The following ZNF474 variants were observed in gnomAD, a reference collection of about 807,000 sequenced individuals.
ZNF474 encodes 4933409D10Rik.
For synonymous variants in ZNF474, 192 were observed against 162.2 expected (o/e 1.18, Z -1.39); for missense variants, 511 against 433.8 (o/e 1.18, Z -1.58).
At chr5:122,130,628 G>A (rs1755553531) in intron 1 of ZNF474, among the ~76,000 whole-genome samples, 1 of 152,022 alleles carries the variant, frequency 6.6e-6, no homozygotes, top group Non-Finnish European at 1.5e-5. Context: ...TATAGCTAAA[G>A]CAGCTATAAA....
In ZNF474 at chr5:122,152,253, C is replaced by T. The variant is rs572551346; in HGVS notation, c.263C>T (p.Pro88Leu). The T allele has an allele frequency of 7.4e-6, 12 of 1,614,236 alleles. No individual in the cohort carries two copies. The East Asian group carries it at 8.9e-5, about 12-fold the overall frequency. ...AGCCAGCTTAGCCCCCCTGTGATCC[C>T]GGCCCGCAGGCCTGGATTCCGGGTA... ...SESQLSPPVI[P>L]ARRPGFRVCY... The change falls in exon 2 of 2, where the codon CCG becomes CTG. Residue 88 changes from proline to leucine, a missense_variant. Transcript: ENST00000296600.
At chr5:122,143,073 G>T (rs1399177160) in intron 1 of ZNF474, among the ~76,000 whole-genome samples, 1 of 152,112 alleles carries the variant, frequency 6.6e-6, no homozygotes. Context: ...CAGTGTAAGT[G>T]TTAGCCAGGC....
chr5:122,148,918 C>T (rs758756687), intron 1 of ZNF474, among the ~76,000 whole-genome samples: 10 of 151,782 alleles, frequency 6.6e-5, no homozygotes, highest in Admixed American at 3.9e-4. Flanking sequence ...CTAGTAGAGA[C>T]GGGGATTCAC....
chr5:122,146,967 A>C (rs775954903), intron 1 of ZNF474, among the ~76,000 whole-genome samples: 20 of 152,256 alleles, frequency 1.3e-4, no homozygotes, highest in Non-Finnish European at 2.6e-4. Context: ...AGGAGCTTGT[A>C]GATGTGCCCA....
chr5:122,139,031 C>T (rs1442340418), intron 1 of ZNF474, among the ~76,000 whole-genome samples: 1 of 152,112 alleles, frequency 6.6e-6, no homozygotes, highest in Non-Finnish European at 1.5e-5. Flanking sequence ...CATGGCATTT[C>T]CACTCAAAAG....
chr5:122,142,273 G>A (rs1158492186), intron 1 of ZNF474, among the ~76,000 whole-genome samples: 1 of 152,198 alleles, frequency 6.6e-6, no homozygotes, highest in African/African-American at 2.4e-5. Flanking sequence ...ACACAAGAAA[G>A]ATAGGACACA....
Position 122,151,929 on chromosome 5 carries a change from A to C in ZNF474, c.-62A>C. ...AACCTCACTAACCTTCACTCTAAGC[A>C]GAAGCCCAAAGTGAGTCTGGCCTGA... On this transcript the variant is annotated 5_prime_UTR_variant, in exon 2 of 2. Transcript: ENST00000296600. 2 of 1,543,980 alleles carry C rather than the reference A, an allele frequency of 1.3e-6. No individual in the cohort carries two copies. Among genetic ancestry groups the C allele is most frequent in the East Asian group, 2.2e-5 (1 of 44,662 alleles).
rs1360151956 is a variant in ZNF474 at position 122,142,479 on chromosome 5, C to G, written c.-212-9300C>G. 3.9e-5 allele frequency among the ~76,000 whole-genome samples: 6 copies of G among 152,278 alleles called. No individual in the cohort carries two copies. The East Asian group carries it at 1.2e-3, about 29-fold the overall frequency. ...ATGTTGAACCACAAAAAAATTTAAA[C>G]TAAAAGCTGAAGAGGTTTTTAAATG... On this transcript the variant is annotated intron_variant, in intron 1 of 1. Coordinates refer to ENST00000296600, the MANE Select transcript of ZNF474 (RefSeq NM_207317.3).
intron 1 of ZNF474, among the ~76,000 whole-genome samples, chr5:122,141,681 T>G (rs1422902680): frequency 6.6e-6 from 1 of 151,756 alleles, no homozygotes. Flanking sequence ...TCAAGTGATC[T>G]TCCCGCCTTG....
intron 1 of ZNF474, among the ~76,000 whole-genome samples, chr5:122,150,031 G>A (rs1443730771): frequency 1.3e-5 from 2 of 152,016 alleles, no homozygotes; most frequent in Non-Finnish European, 2.9e-5. Context: ...TTTCTAATCT[G>A]TCTTCTTAAG....
rs770699949 is a variant in ZNF474 at position 122,152,576 on chromosome 5, G to T, written c.586G>T (p.Ala196Ser). 3 of 1,614,162 alleles carry T rather than the reference G, an allele frequency of 1.9e-6. No individual in the cohort carries two copies. Among genetic ancestry groups the T allele is most frequent in the South Asian group, 2.2e-5 (2 of 91,088 alleles). ...SCKPKGEGPR[A>S]PHSNSSDHLT... ...CAAGCCAAAGGGTGAGGGTCCCAGA[G>T]CACCACACTCAAACAGTTCTGATCA... The change falls in exon 2 of 2, where the codon GCA becomes TCA. Residue 196 changes from alanine to serine, a missense_variant. Transcript: ENST00000296600.
chr5:122,130,445 A>G (rs922342395), intron 1 of ZNF474, among the ~76,000 whole-genome samples: 2 of 152,050 alleles, frequency 1.3e-5, no homozygotes, highest in Non-Finnish European at 2.9e-5. Context: ...TATATATTAT[A>G]TTGTCAGACT....
Position 122,152,745 on chromosome 5 carries a change from A to G in ZNF474, c.755A>G (p.Asp252Gly), listed in dbSNP as rs779984545. 6.2e-7 allele frequency: 1 copy of G among 1,614,044 alleles called. No individual in the cohort carries two copies. Among genetic ancestry groups the G allele is most frequent in the Admixed American group, 1.7e-5 (1 of 60,004 alleles). The part of the protein sequence containing the change: ...KCLEKWKMEN[D>G]RLPVELHQPL... ...CTGGAAAAGTGGAAAATGGAAAATG[A>G]CCGGCTCCCTGTGGAGCTCCACCAG... Residue 252 changes from aspartate to glycine, a missense_variant, in exon 2 of 2, where the codon GAC becomes GGC. Physicochemically the swap from Asp to Gly is moderately conservative, Grantham distance 94. Transcript: ENST00000296600.
In ZNF474 at chr5:122,153,229, GA is replaced by G. The variant is rs1292908535; in HGVS notation, c.*145del. The G allele has an allele frequency of 5.0e-6, 5 of 1,008,458 alleles. No homozygotes were observed. In the East Asian group the frequency reaches 1.3e-4, roughly 26 times the overall value. 62.5% of individuals were successfully genotyped at this position (1,008,458 alleles called of 1,614,324 possible). ...GGCCTATACCTCTCTTGGCTGAATA[GA>G]TATAAGAACATCCTTGCCTGATGGG... is the stretch of plus-strand genomic sequence containing the variant. On this transcript the variant is annotated 3_prime_UTR_variant, in exon 2 of 2. Transcript: ENST00000296600.
At chr5:122,149,447 T>C (rs1333551912) in intron 1 of ZNF474, among the ~76,000 whole-genome samples, 1 of 152,140 alleles carries the variant, frequency 6.6e-6, no homozygotes, top group South Asian at 2.1e-4. Context: ...AAAGGAAGCA[T>C]AACAGCTGGT....
At chr5:122,141,366 T>C (rs1755842683) in intron 1 of ZNF474, among the ~76,000 whole-genome samples, 1 of 136,104 alleles carries the variant, frequency 7.3e-6, no homozygotes, top group Admixed American at 8.5e-5. Context: ...TGGAGTGCAA[T>C]GGTGCAATTT....
chr5:122,152,883 G>A lies in ZNF474; in HGVS notation c.893G>A (p.Arg298His), dbSNP rs200743805. The change falls in exon 2 of 2, where the codon CGC becomes CAC. Residue 298 changes from arginine (R) to histidine (H), a missense_variant. By Grantham distance (29) the Arg-to-His change is conservative. Transcript: ENST00000296600. ...PHCSRIFTSD[R>H]LLVHQRSCKT... is the part of the protein sequence containing the mutation. ...TGTAGCCGAATCTTTACCTCAGACC[G>A]CCTCCTGGTACACCAGAGAAGTTGT... The A allele has an allele frequency of 1.0e-4, 164 of 1,613,940 alleles. No homozygotes were observed. Among genetic ancestry groups the A allele is most frequent in the Middle Eastern group, 1.6e-4 (1 of 6,084 alleles).
chr5:122,149,905 G>C (rs1756119268), intron 1 of ZNF474, among the ~76,000 whole-genome samples: 2 of 151,196 alleles, frequency 1.3e-5, no homozygotes, highest in African/African-American at 4.9e-5. Flanking sequence ...GTGTGTGTGT[G>C]TGTGTGTGCG....
chr5:122,150,756 C>T (rs1272225538), intron 1 of ZNF474, among the ~76,000 whole-genome samples: 1 of 152,168 alleles, frequency 6.6e-6, no homozygotes, highest in Non-Finnish European at 1.5e-5. Context: ...GATATCTAAG[C>T]TGCCACTTCT....
Sources: gnomAD v4.1 joint callset for allele counts (sites outside exome capture counted in the v4.1 genomes callset) on GRCh38, gnomAD v4.1.1 for gene constraint, MANE v1.5 for transcripts, NCBI Gene and HGNC (gene_info 2026-07-23, HGNC 2026-07-21) for gene names.